Variants in ARL15 observed in about 807,000 individuals in gnomAD.
ARL15 encodes the protein ARF like GTPase 15.
In ARL15, 19 loss-of-function variants were observed where a neutral mutation model predicts 25.2. The observed-to-expected ratio is 0.75, with a 90% CI of 0.53 to 1.10. ARL15 has a LOEUF of 1.10. ARL15 is among the 50% of genes least tolerant of loss of function. The pLI is 0.00. For missense variants in ARL15, 220 were observed against 246.0 expected, an observed-to-expected ratio of 0.89 and a Z score of 0.71; for synonymous variants, 94 against 86.8, an observed-to-expected ratio of 1.08 and a Z score of -0.46.
chr5:53,908,252 A>T (rs1745335582), intron 4 of ARL15, among the ~76,000 whole-genome samples: 1 of 152,186 alleles, frequency 6.6e-6, no homozygotes, highest in Non-Finnish European at 1.5e-5. Flanking sequence ...ATAGGAAAAA[A>T]ATATAGTATC....
In ARL15 at chr5:54,246,825, CACACACACACACACACACACAG is replaced by C. The variant is rs576615285; in HGVS notation, c.48+63585_48+63606del. On this transcript the variant is annotated intron_variant, in intron 1 of 4. Coordinates refer to ENST00000504924, the MANE Select transcript of ARL15 (RefSeq NM_019087.3). ...ACACACACACACACACACACACACACACACACACACACACACACACAGAGTACATAAAACATATACACAGTAT... is the reference window on the plus strand; with the variant it reads ...ACACACACACACACACACACACACACAGTACATAAAACATATACACAGTAT... Among the ~76,000 whole-genome samples the C allele has an allele frequency of 8.3e-3, 1,250 of 151,014 alleles. 21 individuals carry two copies. Among genetic ancestry groups the C allele is most frequent in the African/African-American group, 0.028 (1,162 of 41,262 alleles).
chr5:54,158,199 A>G (rs1482038306), intron 2 of ARL15, among the ~76,000 whole-genome samples: 1 of 152,166 alleles, frequency 6.6e-6, no homozygotes, highest in African/African-American at 2.4e-5. Context: ...ACCAGACAGC[A>G]TTTGCTCTAG....
At chr5:54,267,105 G>A (rs932406075) in intron 1 of ARL15, among the ~76,000 whole-genome samples, 1 of 152,020 alleles carries the variant, frequency 6.6e-6, no homozygotes, top group Non-Finnish European at 1.5e-5. Context: ...TTGTTTGTTC[G>A]TTTTGAATTG....
chr5:54,134,418 G>A (rs562364820), intron 3 of ARL15, among the ~76,000 whole-genome samples: 1 of 152,152 alleles, frequency 6.6e-6, no homozygotes, highest in East Asian at 1.9e-4. Context: ...ACATGAAAGG[G>A]GCTAGGTCTT....
At chr5:54,120,839 A>G (rs1258676640) in intron 3 of ARL15, among the ~76,000 whole-genome samples, 2 of 152,226 alleles carry the variant, frequency 1.3e-5, no homozygotes, top group African/African-American at 2.4e-5. Flanking sequence ...GCTGACAGAA[A>G]GATATTTGTT....
chr5:54,242,403 G>A (rs758338990), intron 1 of ARL15, among the ~76,000 whole-genome samples: 1 of 152,142 alleles, frequency 6.6e-6, no homozygotes, highest in South Asian at 2.1e-4. Flanking sequence ...CGTGATTTGG[G>A]CCGGGATGAG....
intron 1 of ARL15, among the ~76,000 whole-genome samples, chr5:54,237,301 C>T (rs764300027): frequency 6.6e-6 from 1 of 152,204 alleles, no homozygotes; most frequent in Non-Finnish European, 1.5e-5. Flanking sequence ...GAGGCCTCAC[C>T]TGCCATGTGG....
At chr5:54,203,195 T>A (rs1755770455) in intron 1 of ARL15, among the ~76,000 whole-genome samples, 1 of 152,178 alleles carries the variant, frequency 6.6e-6, no homozygotes, top group Non-Finnish European at 1.5e-5. Flanking sequence ...CACTGTTAAA[T>A]ACACATTTCT....
At chr5:54,089,371 A>T (rs1305452211) in intron 4 of ARL15, among the ~76,000 whole-genome samples, 1 of 152,364 alleles carries the variant, frequency 6.6e-6, no homozygotes, top group East Asian at 1.9e-4. Flanking sequence ...TTAATATTAG[A>T]TAATAAATTT....
intron 4 of ARL15, 101 bp downstream of exon 4, chr5:54,113,101 T>C: frequency 2.6e-6 from 3 of 1,161,336 alleles, no homozygotes; most frequent in Non-Finnish European, 3.6e-6. Flanking sequence ...GAAAGCAGCA[T>C]AACCAGCACA....
At chr5:54,121,784 T>C (rs2112245201) in intron 3 of ARL15, among the ~76,000 whole-genome samples, 1 of 152,284 alleles carries the variant, frequency 6.6e-6, no homozygotes, top group Non-Finnish European at 1.5e-5. Context: ...CGCTTAATTG[T>C]TCCAAGCCTC....
At chr5:53,953,227 C>T (rs1315961454) in intron 4 of ARL15, among the ~76,000 whole-genome samples, 2 of 152,158 alleles carry the variant, frequency 1.3e-5, no homozygotes, top group African/African-American at 2.4e-5. Flanking sequence ...GTGGAACTTA[C>T]TTAACCTTTC....
At chr5:53,950,369 G>A (rs1746905394) in intron 4 of ARL15, among the ~76,000 whole-genome samples, 1 of 152,156 alleles carries the variant, frequency 6.6e-6, no homozygotes, top group African/African-American at 2.4e-5. Flanking sequence ...ATGTCATGAC[G>A]GCTGGTTAAC....
chr5:54,227,036 T>A (rs1035872140), intron 1 of ARL15, among the ~76,000 whole-genome samples: 1 of 152,246 alleles, frequency 6.6e-6, no homozygotes, highest in Admixed American at 6.5e-5. Flanking sequence ...CATGATTGTG[T>A]GGCCTCCCTA....
At position 53,886,391 on chromosome 5, in the gene ARL15, A is replaced by AT; in HGVS notation, c.*169dup. 1.5e-6 allele frequency: 1 copy of AT among 684,102 alleles called. No homozygotes were observed. Among genetic ancestry groups the AT allele is most frequent in the South Asian group, 2.2e-5 (1 of 45,326 alleles). The allele number at this position is 684,102 out of a possible 1,614,324, so 42.4% of individuals were successfully genotyped here. A position where few individuals can be genotyped will look rare whatever the true frequency, so the allele number is the denominator to read the frequency against. ...GTACTTGACGTTAATGCCGATGATA[A>AT]TTCATCTGATCTACAGAATATTCAC... is the stretch of plus-strand genomic sequence containing the variant. On this transcript the variant is annotated 3_prime_UTR_variant, in exon 5 of 5. Transcript: ENST00000504924.
At chr5:54,198,036 G>C (rs4467663) in intron 1 of ARL15, among the ~76,000 whole-genome samples, 98,280 of 151,454 alleles carry the variant, frequency 0.65, 32,504 homozygotes, top group African/African-American at 0.76. Flanking sequence ...CAGAACCAAA[G>C]ACAAAAACCA....
At chr5:54,188,634 A>G (rs1755306811) in intron 1 of ARL15, among the ~76,000 whole-genome samples, 1 of 152,206 alleles carries the variant, frequency 6.6e-6, no homozygotes, top group South Asian at 2.1e-4. Context: ...TGGGACCCAC[A>G]CAAGAGGAAT....
At chr5:54,123,112 CTT>C (rs564304323) in intron 3 of ARL15, among the ~76,000 whole-genome samples, 17 of 142,090 alleles carry the variant, frequency 1.2e-4, no homozygotes, top group East Asian at 2.0e-4. Flanking sequence ...TTTTATATTC[CTT>C]TTTTTTTTTT....
chr5:53,934,930 A>G (rs1388112), intron 4 of ARL15, among the ~76,000 whole-genome samples: 7,966 of 152,282 alleles, frequency 0.052, 276 homozygotes, highest in Middle Eastern at 0.085. Context: ...CTATGATCTG[A>G]TTTTAAAAAA....
Sources: allele counts gnomAD v4.1 joint callset (sites outside exome capture counted in the v4.1 genomes callset), GRCh38; gene constraint gnomAD v4.1.1; transcripts MANE v1.5; gene names NCBI Gene and HGNC (gene_info 2026-07-23, HGNC 2026-07-21).